NXPE2: variants seen among roughly 807,000 people sequenced by gnomAD.
NXPE2 encodes neurexophilin and PC-esterase domain family member 2, also known as NXPE family member 2.
In NXPE2, 34 loss-of-function variants were observed where a neutral mutation model predicts 34.4. That is an observed-to-expected ratio of 0.99 (90% CI 0.75 to 1.31). The LOEUF (loss-of-function observed/expected upper bound fraction) is 1.31. Ranked by LOEUF, NXPE2 falls within the 40% of genes most tolerant of loss-of-function variation. The probability of loss-of-function intolerance (pLI) is 0.00; values close to 1 mark genes in which losing one functional copy is unlikely to be tolerated. For synonymous variants in NXPE2, 235 were observed against 231.3 expected (o/e 1.02, Z -0.15); for missense variants, 649 against 672.5 (o/e 0.97, Z 0.39).
the NXPE2 span, among the ~76,000 whole-genome samples, chr11:114,595,234 C>T: frequency 1.3e-5 from 2 of 152,094 alleles, no homozygotes; most frequent in African/African-American, 4.8e-5. Flanking sequence ...ATTAATATGT[C>T]CTCCTTTTCT....
At chr11:114,589,924 T>C in the NXPE2 span, among the ~76,000 whole-genome samples, 1 of 152,218 alleles carries the variant, frequency 6.6e-6, no homozygotes, top group Non-Finnish European at 1.5e-5. Flanking sequence ...ACCTAATCCC[T>C]ATACCTTGCT....
the NXPE2 span, among the ~76,000 whole-genome samples, chr11:114,812,986 A>G: frequency 6.6e-6 from 1 of 152,076 alleles, no homozygotes; most frequent in Non-Finnish European, 1.5e-5. Context: ...CCCTGGGGAG[A>G]GAGGCCGGCA....
the NXPE2 span, among the ~76,000 whole-genome samples, chr11:114,579,761 T>A: frequency 6.6e-6 from 1 of 152,204 alleles, no homozygotes; most frequent in Non-Finnish European, 1.5e-5. Flanking sequence ...AGAAGTCAGG[T>A]TTTGAACCCA....
At chr11:114,624,239 G>A in the NXPE2 span, among the ~76,000 whole-genome samples, 71 of 151,932 alleles carry the variant, frequency 4.7e-4, no homozygotes, top group Admixed American at 3.5e-3. Context: ...TTCCTCTAGG[G>A]TAATCACTGT....
the NXPE2 span, among the ~76,000 whole-genome samples, chr11:114,764,333 C>G: frequency 6.6e-6 from 1 of 151,758 alleles, no homozygotes; most frequent in African/African-American, 2.4e-5. Flanking sequence ...TATTACAGTT[C>G]TAAAGGAAAG....
At chr11:114,769,221 C>A in the NXPE2 span, among the ~76,000 whole-genome samples, 284 of 152,110 alleles carry the variant, frequency 1.9e-3, 2 homozygotes, top group African/African-American at 5.6e-3. Flanking sequence ...AGCTCATCAC[C>A]ATTGGTCATT....
chr11:114,667,291 T>TA, the NXPE2 span, among the ~76,000 whole-genome samples: 2 of 152,172 alleles, frequency 1.3e-5, no homozygotes, highest in African/African-American at 2.4e-5. Flanking sequence ...GAGTGAATTT[T>TA]AAAAAATGTT....
At chr11:114,741,821 A>G in the NXPE2 span, among the ~76,000 whole-genome samples, 2 of 152,134 alleles carry the variant, frequency 1.3e-5, no homozygotes, top group African/African-American at 4.8e-5. Context: ...CTTTGGGGTC[A>G]CTTACTAGAA....
chr11:114,621,269 G>A, the NXPE2 span, among the ~76,000 whole-genome samples: 3 of 152,164 alleles, frequency 2.0e-5, no homozygotes, highest in Middle Eastern at 3.2e-3. Flanking sequence ...TGCCTCATGG[G>A]TAACCACTGT....
chr11:114,698,240 A>G lies in NXPE2; in HGVS notation c.328A>G (p.Thr110Ala). 5 of 1,613,790 alleles carry G rather than the reference A, an allele frequency of 3.1e-6. No homozygotes were observed. In the Admixed American group the frequency reaches 5.0e-5, roughly 16 times the overall value. Reference sequence around the variant, plus strand: ...CCATGTGAATACCACCACCAGTGCCACACACAGCACAGCCACCATCCTCAA... The same window carrying G: ...CCATGTGAATACCACCACCAGTGCCGCACACAGCACAGCCACCATCCTCAA... ...FTHVNTTTSA[T>A]HSTATILNPQ... is the part of the protein sequence containing the mutation. Residue 110 changes from threonine (T) to alanine (A), a missense_variant, in exon 3 of 6, where the codon ACA becomes GCA. Physicochemically the swap from Thr to Ala is moderately conservative, Grantham distance 58. Transcript: ENST00000389586.
the NXPE2 span, among the ~76,000 whole-genome samples, chr11:114,596,291 G>T: frequency 6.6e-6 from 1 of 152,168 alleles, no homozygotes; most frequent in Admixed American, 6.6e-5. Flanking sequence ...ATCCATCTGG[G>T]ATTTGTATTC....
At chr11:114,636,721 C>A in the NXPE2 span, among the ~76,000 whole-genome samples, 1 of 152,044 alleles carries the variant, frequency 6.6e-6, no homozygotes, top group African/African-American at 2.4e-5. Context: ...TCGTTATGTA[C>A]CCAGCAGTCA....
upstream of NXPE2, among the ~76,000 whole-genome samples, chr11:114,677,667 G>A (rs1950873715): frequency 6.6e-6 from 1 of 152,040 alleles, no homozygotes. Context: ...GTGGCTAGAG[G>A]TGCTGGCTTA....
At chr11:114,640,159 A>AT in the NXPE2 span, among the ~76,000 whole-genome samples, 262 of 63,358 alleles carry the variant, frequency 4.1e-3, 3 homozygotes, top group East Asian at 0.02. Context: ...ATATATTAAT[A>AT]ATATATATAA....
the NXPE2 span, among the ~76,000 whole-genome samples, chr11:114,798,929 C>G: frequency 2.9e-4 from 44 of 152,292 alleles, no homozygotes; most frequent in African/African-American, 1.0e-3. Context: ...GCCGTGAAAG[C>G]TGCCTCACGC....
At chr11:114,602,005 T>C in the NXPE2 span, among the ~76,000 whole-genome samples, 1 of 86,550 alleles carries the variant, frequency 1.2e-5, no homozygotes, top group South Asian at 4.1e-4. Context: ...GTATCTAATG[T>C]ATTATATTAT....
At chr11:114,490,169 A>G in the NXPE2 span, among the ~76,000 whole-genome samples, 1 of 152,224 alleles carries the variant, frequency 6.6e-6, no homozygotes. Flanking sequence ...GGACCTCTTC[A>G]AGAAGAACTA....
At chr11:114,688,048 T>A (rs1951080273) in intron 2 of NXPE2, among the ~76,000 whole-genome samples, 1 of 152,100 alleles carries the variant, frequency 6.6e-6, no homozygotes, top group Non-Finnish European at 1.5e-5. Context: ...GAGAGATAAT[T>A]TGACTTCATG....
At chr11:114,806,006 G>A in the NXPE2 span, among the ~76,000 whole-genome samples, 22 of 152,296 alleles carry the variant, frequency 1.4e-4, no homozygotes, top group Non-Finnish European at 2.8e-4. Flanking sequence ...ACTTTCAGAG[G>A]AACGATCAGG....
Sources: gnomAD v4.1 joint callset for allele counts (sites outside exome capture counted in the v4.1 genomes callset) on GRCh38, gnomAD v4.1.1 for gene constraint, MANE v1.5 for transcripts, NCBI Gene and HGNC (gene_info 2026-07-23, HGNC 2026-07-21) for gene names.